Variants in NEGR1 observed in about 807,000 individuals in gnomAD.
The protein encoded by NEGR1 is neuronal growth regulator 1, also known as IgLON family member 4.
Under a neutral mutation model 40.9 loss-of-function variants are expected in NEGR1, and 10 were observed. The ratio of observed to expected loss-of-function variants is 0.24; its 90% CI spans 0.15 to 0.42. The LOEUF (loss-of-function observed/expected upper bound fraction) is 0.42, where lower values mean the gene tolerates loss of function less well. Ranked by LOEUF, NEGR1 falls within the 10% of genes least tolerant of loss-of-function variation. The pLI is 1.00. For missense variants in NEGR1, 352 were observed against 438.9 expected, an observed-to-expected ratio of 0.80 and a Z score of 1.77; for synonymous variants, 185 against 166.8, an observed-to-expected ratio of 1.11 and a Z score of -0.84.
rs147218787 is a variant in NEGR1 at position 71,995,586 on chromosome 1, T to C, written c.177-60275A>G. 4.6e-3 allele frequency among the ~76,000 whole-genome samples: 694 copies of C among 152,310 alleles called. 7 individuals are homozygous for C. The highest frequency in any genetic ancestry group is 0.016 in the African/African-American group (665 of 41,576). On this transcript the variant is annotated intron_variant, in intron 1 of 6. Transcript: ENST00000357731. ...ACTTAAGGATTAACTGAAATTTGTC[T>C]ATTCCGAAGTATCACTACAATAATT...
At chr1:72,034,441 C>T (rs762948297) in intron 1 of NEGR1, among the ~76,000 whole-genome samples, 10 of 152,068 alleles carry the variant, frequency 6.6e-5, no homozygotes, top group Non-Finnish European at 1.5e-4. Context: ...GTGTCTAACT[C>T]GGGGAAAATC....
intron 6 of NEGR1, among the ~76,000 whole-genome samples, chr1:71,533,888 GAAACTCTAATGTAGTAGCCTGAGATCCTT>G (rs1327334999): frequency 6.6e-6 from 1 of 151,568 alleles, no homozygotes; most frequent in Admixed American, 6.6e-5. Flanking sequence ...GCATTTTTGA[GAAACTCTAATGTAGTAGCCTGAGATCCTT>G]AATTCAGCAC....
chr1:72,112,104 G>A (rs1447911948), intron 1 of NEGR1, among the ~76,000 whole-genome samples: 2 of 151,640 alleles, frequency 1.3e-5, no homozygotes, highest in African/African-American at 4.8e-5. Flanking sequence ...ATTCATTTAT[G>A]TTTTATTCCA....
chr1:71,457,715 C>CT (rs879581316), intron 6 of NEGR1, among the ~76,000 whole-genome samples: 10 of 151,520 alleles, frequency 6.6e-5, no homozygotes, highest in African/African-American at 9.7e-5. Flanking sequence ...TTTTTCTTTT[C>CT]TTTTTTTTGA....
At chr1:72,013,921 G>A (rs990798303) in intron 1 of NEGR1, among the ~76,000 whole-genome samples, 3 of 140,810 alleles carry the variant, frequency 2.1e-5, no homozygotes, top group African/African-American at 8.0e-5. Context: ...TTAAGAAAGT[G>A]TGTGGGAAGA....
chr1:72,281,733 T>A, intron 1 of NEGR1, among the ~76,000 whole-genome samples: 2 of 144,946 alleles, frequency 1.4e-5, no homozygotes, highest in East Asian at 2.0e-4. Flanking sequence ...AAACAGAAAA[T>A]AGAAAAGGTA....
chr1:72,094,502 A>G (rs1648623862), intron 1 of NEGR1, among the ~76,000 whole-genome samples: 1 of 152,194 alleles, frequency 6.6e-6, no homozygotes, highest in South Asian at 2.1e-4. Flanking sequence ...TTTCAACGTC[A>G]AAAACAACTG....
intron 6 of NEGR1, among the ~76,000 whole-genome samples, chr1:71,449,684 C>A (rs1646610913): frequency 6.6e-6 from 1 of 152,152 alleles, no homozygotes; most frequent in Non-Finnish European, 1.5e-5. Context: ...TCACTTAATT[C>A]TCAACAAGTT....
intron 4 of NEGR1, among the ~76,000 whole-genome samples, chr1:71,623,850 G>A (rs1172799703): frequency 1.3e-5 from 2 of 151,856 alleles, no homozygotes; most frequent in African/African-American, 4.8e-5. Context: ...AACATGGTAT[G>A]AGAAGAAAAC....
At chr1:72,110,874 C>A (rs1279686040) in intron 1 of NEGR1, among the ~76,000 whole-genome samples, 1 of 151,240 alleles carries the variant, frequency 6.6e-6, no homozygotes, top group South Asian at 2.1e-4. Flanking sequence ...CAAATAGAAA[C>A]TTACATTCAT....
At chr1:72,030,921 C>T (rs1646853024) in intron 1 of NEGR1, among the ~76,000 whole-genome samples, 2 of 152,158 alleles carry the variant, frequency 1.3e-5, no homozygotes, top group South Asian at 2.1e-4. Flanking sequence ...ATGCTCTTCA[C>T]GTAGCATTCT....
At chr1:71,579,075 T>G (rs1413256163) in intron 6 of NEGR1, among the ~76,000 whole-genome samples, 1 of 152,166 alleles carries the variant, frequency 6.6e-6, no homozygotes, top group African/African-American at 2.4e-5. Flanking sequence ...CACTCACATT[T>G]TAAAAGCTAG....
chr1:71,825,617 T>A (rs1031727506), intron 2 of NEGR1, among the ~76,000 whole-genome samples: 2 of 151,894 alleles, frequency 1.3e-5, no homozygotes, highest in Non-Finnish European at 2.9e-5. Flanking sequence ...TTCCTCTCTA[T>A]GGAATTTTGT....
chr1:72,139,413 A>G (rs1650589245), intron 1 of NEGR1, among the ~76,000 whole-genome samples: 1 of 152,058 alleles, frequency 6.6e-6, no homozygotes, highest in Non-Finnish European at 1.5e-5. Flanking sequence ...CTGATCAGAA[A>G]AAAATAAAAA....
chr1:71,715,309 C>A (rs552584461), intron 3 of NEGR1, among the ~76,000 whole-genome samples: 12 of 152,314 alleles, frequency 7.9e-5, no homozygotes, highest in Admixed American at 3.9e-4. Flanking sequence ...ATGGGAGGAC[C>A]TGCCATGAAG....
chr1:71,915,450 G>T (rs1457888940), intron 2 of NEGR1, among the ~76,000 whole-genome samples: 1 of 151,828 alleles, frequency 6.6e-6, no homozygotes, highest in Non-Finnish European at 1.5e-5. Context: ...CTTTTCATCG[G>T]GTTATGAATG....
chr1:71,939,656 C>T (rs1388157863), intron 1 of NEGR1, among the ~76,000 whole-genome samples: 1 of 152,162 alleles, frequency 6.6e-6, no homozygotes, highest in South Asian at 2.1e-4. Context: ...GCTAAGAATT[C>T]AGTGATCAGA....
At chr1:71,943,044 ATGTGTATATATATGTG>A (rs1275229614) in intron 1 of NEGR1, among the ~76,000 whole-genome samples, 3 of 134,982 alleles carry the variant, frequency 2.2e-5, no homozygotes, top group African/African-American at 2.7e-5. Flanking sequence ...ATACATATAT[ATGTGTATATATATGTG>A]TGTGTATATA....
intron 2 of NEGR1, among the ~76,000 whole-genome samples, chr1:71,835,740 C>T (rs1011859274): frequency 2.0e-5 from 3 of 152,068 alleles, no homozygotes; most frequent in Non-Finnish European, 4.4e-5. Context: ...AAGAAACAGT[C>T]TCTAGACTAT....
Sources: allele counts gnomAD v4.1 joint callset (sites outside exome capture counted in the v4.1 genomes callset), GRCh38; gene constraint gnomAD v4.1.1; transcripts MANE v1.5; gene names NCBI Gene and HGNC (gene_info 2026-07-23, HGNC 2026-07-21).